SIN3B: variants seen among roughly 807,000 people sequenced by gnomAD.
SIN3B encodes SIN3 transcription regulator family member B, also known as paired amphipathic helix protein Sin3b.
In SIN3B, 19 loss-of-function variants were observed where a neutral mutation model predicts 120.2. The ratio of observed to expected loss-of-function variants is 0.16; its 90% CI spans 0.11 to 0.23. SIN3B has a LOEUF of 0.23. Ranked by LOEUF, SIN3B falls within the 10% of genes least tolerant of loss-of-function variation. The pLI is 1.00. For missense variants in SIN3B, 1,073 were observed against 1,573.0 expected (o/e 0.68, Z 5.38); for synonymous variants, 654 against 653.2 (o/e 1.00, Z -0.02).
intron 3 of SIN3B, among the ~76,000 whole-genome samples, chr19:16,837,649 G>A (rs542581784): frequency 6.6e-6 from 1 of 151,744 alleles, no homozygotes; most frequent in East Asian, 1.9e-4. Flanking sequence ...TGATGGGGAC[G>A]GAGTGGACAG....
Position 16,854,129 on chromosome 19 carries a change from T to C in SIN3B, c.940-14T>C. The C allele has an allele frequency of 6.2e-7, 1 of 1,602,770 alleles. No homozygotes were observed. The highest frequency in any genetic ancestry group is 1.3e-5 in the African/African-American group (1 of 74,774). On this transcript the variant is annotated splice_polypyrimidine_tract_variant and intron_variant, in intron 7 of 18. Coordinates refer to ENST00000248054, the MANE Select transcript of SIN3B (RefSeq NM_001297595.2). ...GCAGGGGTTCACAGTGGTCCCTGAC[T>C]GCTCTCTCTGCAGGTCCGCCGGGTG...
At chr19:16,863,490 C>T (rs532079306) in intron 9 of SIN3B, 190 bp from the exon 10 acceptor site, 9 of 586,654 alleles carry the variant, frequency 1.5e-5, no homozygotes, top group Non-Finnish European at 2.8e-5. Flanking sequence ...CCCAGGATAC[C>T]AAGGGAGTGT....
chr19:16,871,508 G>GT (rs2144623898), intron 14 of SIN3B, 110 bp downstream of exon 14: 1 of 1,026,634 alleles, frequency 9.7e-7, no homozygotes, highest in East Asian at 2.7e-5. Context: ...AACCTATCCT[G>GT]TTTTTTCTTA....
rs569382551 is a variant in SIN3B, at chr19:16,863,259, G to A, written c.1267-421G>A. The A allele has an allele frequency of 3.0e-5, 15 of 495,158 alleles. 1 individual carries two copies. The highest frequency in any genetic ancestry group is 3.8e-5 in the African/African-American group (2 of 51,964). 30.7% of individuals were successfully genotyped at this position (495,158 alleles called of 1,614,324 possible). A position where few individuals can be genotyped will look rare whatever the true frequency, so the allele number is the denominator to read the frequency against. On this transcript the variant is annotated intron_variant, in intron 9 of 18. Transcript: ENST00000248054. ...TCAACTAACCATGGATTGAAAATAC[G>A]TGGGGAAAGAGAAACCAAAAAATGA...
chr19:16,880,165 G>A lies in SIN3B; in HGVS notation c.*1438G>A, dbSNP rs2051676009. The A allele has an allele frequency of 6.6e-6, 1 of 152,224 alleles. No homozygotes were observed. The highest frequency in any genetic ancestry group is 2.4e-5 in the African/African-American group (1 of 41,428). 9.4% of individuals were successfully genotyped at this position (152,224 alleles called of 1,614,324 possible). On this transcript the variant is annotated 3_prime_UTR_variant, in exon 19 of 19. Coordinates refer to ENST00000248054, the MANE Select transcript of SIN3B (RefSeq NM_001297595.2). ...TCGGGCAGAGCCACCTGGGCCCCGG[G>A]TGCAGCCGGAGACCCCGCCGAGCCC...
In SIN3B at chr19:16,849,622, AT is replaced by A. The variant is rs1231844635; in HGVS notation, c.727-1788del. On this transcript the variant is annotated intron_variant, in intron 5 of 18. Coordinates refer to ENST00000248054, the MANE Select transcript of SIN3B (RefSeq NM_001297595.2). ...GCTCAGATGTTCACATAATTGGGAGATTAACTGAAAAGCAAGAACCATGTGA... is the reference window on the plus strand; with the variant it reads ...GCTCAGATGTTCACATAATTGGGAGATAACTGAAAAGCAAGAACCATGTGA... Among the ~76,000 whole-genome samples, 9 of 152,298 alleles carry A rather than the reference AT, an allele frequency of 5.9e-5. No homozygotes were observed. In the East Asian group the frequency reaches 1.7e-3, roughly 29 times the overall value.
chr19:16,848,026 T>C (rs1971500726), intron 5 of SIN3B, among the ~76,000 whole-genome samples: 1 of 152,192 alleles, frequency 6.6e-6, no homozygotes, highest in South Asian at 2.1e-4. Context: ...TGTGTCTGGC[T>C]CCTCTCACTC....
At chr19:16,844,710 C>CT (rs1971458870) in intron 4 of SIN3B, among the ~76,000 whole-genome samples, 1 of 152,252 alleles carries the variant, frequency 6.6e-6, no homozygotes, top group Admixed American at 6.5e-5. Flanking sequence ...GGCACCGACT[C>CT]TAAACAGCAG....
Position 16,854,228 on chromosome 19 carries a change from C to T in SIN3B, c.1025C>T (p.Ser342Phe), listed in dbSNP as rs758763160. 1 of 1,612,814 alleles carries T rather than the reference C, an allele frequency of 6.2e-7. No individual in the cohort carries two copies. Among genetic ancestry groups the T allele is most frequent in the Non-Finnish European group, 8.5e-7 (1 of 1,179,838 alleles). ...ALFNQELVSG[S>F]ELLQLVSPFL... ...TTCAACCAGGAGCTGGTGTCTGGCT[C>T]TGAGCTCCTGCAGCTCGTCAGCCCA... The change falls in exon 8 of 19, where the codon TCT becomes TTT. Residue 342 changes from serine to phenylalanine, a missense_variant. Physicochemically the swap from Ser to Phe is radical, Grantham distance 155. Around this residue, in one of 7 missense-constraint regions of SIN3B, gnomAD observed 395 missense variants for 528.0 expected, o/e 0.75. Coordinates refer to ENST00000248054, the MANE Select transcript of SIN3B (RefSeq NM_001297595.2).
In SIN3B at chr19:16,831,602, T is replaced by C; in HGVS notation, c.336T>C (p.Ile112=). ...TTCCCCTCGGATATAGAATAGACAT[T>C]CCCAAGAATGGCAAGTTAAACATAC... is the stretch of plus-strand genomic sequence containing the variant. ...AFLPLGYRID[I]PKNGKLNIQS... Residue 112 remains isoleucine, a synonymous_variant, in exon 3 of 19, where the codon ATT becomes ATC. Coordinates refer to ENST00000248054, the MANE Select transcript of SIN3B (RefSeq NM_001297595.2). The C allele has an allele frequency of 6.2e-7, 1 of 1,614,120 alleles. No homozygotes were observed. Among genetic ancestry groups the C allele is most frequent in the Non-Finnish European group, 8.5e-7 (1 of 1,180,002 alleles).
chr19:16,869,380 A>T, intron 12 of SIN3B, 80 bp from the exon 13 acceptor site: 2 of 1,479,222 alleles, frequency 1.4e-6, no homozygotes, highest in Non-Finnish European at 1.8e-6. Flanking sequence ...GGCCCAGTTA[A>T]CAGCGAGTCG....
At position 16,879,673 on chromosome 19, in the gene SIN3B, C is replaced by G. The variant is rs907255610; in HGVS notation, c.*946C>G. The G allele has an allele frequency of 6.6e-6, 1 of 152,252 alleles. No individual in the cohort carries two copies. Among genetic ancestry groups the G allele is most frequent in the African/African-American group, 2.4e-5 (1 of 41,438 alleles). The allele number at this position is 152,252 out of a possible 1,614,324, so 9.4% of individuals were successfully genotyped here. A position where few individuals can be genotyped will look rare whatever the true frequency, so the allele number is the denominator to read the frequency against. ...CAGTCCCAGCCGCCACCCAAGGAGC[C>G]CCATCCGCCCACCCACCCTGGGACC... On this transcript the variant is annotated 3_prime_UTR_variant, in exon 19 of 19. Coordinates refer to ENST00000248054, the MANE Select transcript of SIN3B (RefSeq NM_001297595.2).
rs560638554 is a variant in SIN3B, at chr19:16,876,129, C to T, written c.2667C>T (p.Ala889=). The part of the protein sequence containing the change: ...ELYLNEKKRG[A]AGGNLSSRCV... Reference sequence around the variant, plus strand: ...ACCTGAACGAGAAGAAGCGGGGTGCCGCTGGTGGGAACCTGTCCTCCCGCT... The same window carrying T: ...ACCTGAACGAGAAGAAGCGGGGTGCTGCTGGTGGGAACCTGTCCTCCCGCT... The change falls in exon 15 of 19, where the codon GCC becomes GCT. Residue 889 remains alanine, a synonymous_variant. Transcript: ENST00000248054. This position sits in a 1 kb window ranked among gnomAD's most constrained non-coding sequence, Gnocchi z 7.1. 44 of 1,608,032 alleles carry T rather than the reference C, an allele frequency of 2.7e-5. No homozygotes were observed. The highest frequency in any genetic ancestry group is 3.3e-4 in the Middle Eastern group (2 of 6,054).
chr19:16,877,482 G>C (rs898046747), intron 16 of SIN3B, 63 bp from the exon 17 acceptor site: 13 of 1,251,024 alleles, frequency 1.0e-5, no homozygotes, highest in Non-Finnish European at 1.5e-5. Context: ...TCAGAGTCCA[G>C]AGTAAGAGTG....
chr19:16,829,663 C>T, intron 1 of SIN3B, 123 bp downstream of exon 1: 1 of 1,193,542 alleles, frequency 8.4e-7, no homozygotes, highest in Non-Finnish European at 1.1e-6. Context: ...CTGCCCCGGA[C>T]CCCTCACCCC....
intron 8 of SIN3B, among the ~76,000 whole-genome samples, chr19:16,858,507 T>C (rs975871035): frequency 2.0e-5 from 3 of 152,166 alleles, no homozygotes; most frequent in African/African-American, 7.2e-5. Flanking sequence ...TTTTTTAGCA[T>C]CTTAATGAAT....
At chr19:16,831,021 C>T (rs2144568790) in intron 2 of SIN3B, among the ~76,000 whole-genome samples, 1 of 150,904 alleles carries the variant, frequency 6.6e-6, no homozygotes, top group Admixed American at 6.6e-5. Context: ...CCTAGCCAGT[C>T]AGGAGATAGG....
At position 16,878,512 on chromosome 19, in the gene SIN3B, C is replaced by T; in HGVS notation, c.3178C>T (p.Leu1060=). 6.3e-7 allele frequency: 1 copy of T among 1,577,822 alleles called. No individual in the cohort carries two copies. The highest frequency in any genetic ancestry group is 8.6e-7 in the Non-Finnish European group (1 of 1,162,186). ...CRAKQVQPLV[L]LRHHQHFEEW... is the part of the protein sequence containing the mutation. ...TCTTCAACAGGTGCAGCCCCTGGTC[C>T]TGCTCCGCCACCACCAGCACTTTGA... Residue 1060 remains leucine (L), a synonymous_variant, in exon 19 of 19, where the codon CTG becomes TTG. Coordinates refer to ENST00000248054, the MANE Select transcript of SIN3B (RefSeq NM_001297595.2).
rs61761939 is a variant in SIN3B at position 16,869,838 on chromosome 19, C to T, written c.2185C>T (p.Pro729Ser). 180 of 1,613,910 alleles carry T rather than the reference C, an allele frequency of 1.1e-4. No homozygotes were observed. Among genetic ancestry groups the T allele is most frequent in the Non-Finnish European group, 8.1e-5 (95 of 1,180,004 alleles). The change falls in exon 13 of 19, where the codon CCC (proline) becomes TCC (serine). Residue 729 changes from proline to serine, a missense_variant. By Grantham distance (74) the Pro-to-Ser change is moderately conservative. Transcript: ENST00000248054. ...APATEQPPLP[P>S]PAPHKPLDDV... ...GGCCACTGAGCAGCCACCCCTGCCG[C>T]CCCCAGCCCCGCACAAGCCCCTGGA...
Sources: allele counts gnomAD v4.1 joint callset (sites outside exome capture counted in the v4.1 genomes callset), GRCh38; gene constraint gnomAD v4.1.1; regional missense constraint gnomAD v4.1.1; non-coding constraint Gnocchi (gnomAD v3.1); transcripts MANE v1.5; gene names NCBI Gene and HGNC (gene_info 2026-07-23, HGNC 2026-07-21).